Variants in LOXHD1 observed in about 807,000 individuals in gnomAD.
LOXHD1 encodes the protein lipoxygenase homology PLAT domains 1.
Under a neutral mutation model 248.2 loss-of-function variants are expected in LOXHD1, and 205 were observed. The ratio of observed to expected loss-of-function variants is 0.83; its 90% confidence interval spans 0.74 to 0.93. The LOEUF (loss-of-function observed/expected upper bound fraction) is 0.93. LOXHD1 is among the 40% of genes least tolerant of loss of function. The pLI is 0.00. For synonymous variants in LOXHD1, 1,113 were observed against 1,162.8 expected, an observed-to-expected ratio of 0.96 and a Z score of 0.87; for missense variants, 2,930 against 2,971.6, an observed-to-expected ratio of 0.99 and a Z score of 0.33.
rs754765193 is a variant in LOXHD1 at position 46,477,931 on chromosome 18, G to A, written c.6363C>T (p.Cys2121=). ...TCCTCTTCCTCTTGAGGGGGATGAG[G>A]CAGTCACAGTTAAAGAAGTACCTGG... ...YGNVYFFNCD[C]LIPLKRKRKY... The change falls in exon 41 of 41, where the codon TGC becomes TGT. Residue 2121 remains cysteine (C), a synonymous_variant. Transcript: ENST00000642948. 1 of 1,549,924 alleles carries A rather than the reference G, an allele frequency of 6.5e-7. No homozygotes were observed.
At chr18:46,572,255 A>G (rs2037767238) in intron 14 of LOXHD1, 93 bp from the exon 15 acceptor site, 1 of 1,123,246 alleles carries the variant, frequency 8.9e-7, no homozygotes, top group Admixed American at 2.0e-5. Flanking sequence ...ATGGAGGCCC[A>G]GAGCTTTGAC....
chr18:46,556,712 G>A (rs896251641), intron 21 of LOXHD1: 4 of 149,322 alleles, frequency 2.7e-5, no homozygotes, highest in African/African-American at 2.9e-5. Context: ...CAGCCAGCTC[G>A]CCCTCATCCT....
intron 12 of LOXHD1, among the ~76,000 whole-genome samples, chr18:46,581,670 A>T (rs1030267050): frequency 1.3e-5 from 2 of 152,210 alleles, no homozygotes; most frequent in African/African-American, 4.8e-5. Context: ...ATTTGATTTT[A>T]AAAGCATTAA....
intron 5 of LOXHD1, among the ~76,000 whole-genome samples, chr18:46,617,768 G>A (rs1305676983): frequency 6.6e-6 from 1 of 152,138 alleles, no homozygotes; most frequent in Non-Finnish European, 1.5e-5. Context: ...AAGTCAAATT[G>A]TATTCCCAGC....
chr18:46,536,023 GGAACT>G (rs2036294992), intron 26 of LOXHD1, among the ~76,000 whole-genome samples: 1 of 152,196 alleles, frequency 6.6e-6, no homozygotes, highest in Non-Finnish European at 1.5e-5. Flanking sequence ...AGAAGTCTCT[GGAACT>G]GAACTTCTTG....
chr18:46,593,825 G>A, intron 9 of LOXHD1, 65 bp from the exon 10 acceptor site: 1 of 1,524,156 alleles, frequency 6.6e-7, no homozygotes, highest in Non-Finnish European at 8.9e-7. Context: ...ATTACCATGG[G>A]GAAGAAGGAA....
intron 21 of LOXHD1, among the ~76,000 whole-genome samples, chr18:46,550,354 A>G (rs1352631014): frequency 6.6e-6 from 1 of 151,752 alleles, no homozygotes; most frequent in African/African-American, 2.4e-5. Context: ...CGGGTGGATC[A>G]TGAGGTCAGG....
intron 33 of LOXHD1, chr18:46,520,657 A>C (rs2035530252): frequency 4.1e-6 from 1 of 244,256 alleles, no homozygotes; most frequent in Non-Finnish European, 8.0e-6. Context: ...AGAGATTCAC[A>C]GTATCCCAGA....
At chr18:46,535,658 T>C (rs965257897) in intron 26 of LOXHD1, among the ~76,000 whole-genome samples, 1 of 152,146 alleles carries the variant, frequency 6.6e-6, no homozygotes, top group Non-Finnish European at 1.5e-5. Context: ...AACCTCCACC[T>C]CCTGGGTTCA....
chr18:46,596,532 T>A (rs1296819990), intron 8 of LOXHD1, among the ~76,000 whole-genome samples: 2 of 152,184 alleles, frequency 1.3e-5, no homozygotes, highest in Non-Finnish European at 2.9e-5. Flanking sequence ...AAACACTGAA[T>A]AAGCAGAAAT....
chr18:46,485,272 G>C, intron 38 of LOXHD1, 121 bp from the exon 39 acceptor site: 1 of 1,137,686 alleles, frequency 8.8e-7, no homozygotes, highest in South Asian at 1.7e-5. Flanking sequence ...CCTGGGGGTG[G>C]GGGAGGCAGG....
At chr18:46,561,115 G>A (rs1332214631) in intron 18 of LOXHD1, among the ~76,000 whole-genome samples, 1 of 152,118 alleles carries the variant, frequency 6.6e-6, no homozygotes, top group East Asian at 1.9e-4. Context: ...CACACCCACA[G>A]AGGCCCAAGC....
chr18:46,596,377 G>C (rs2038257322), intron 8 of LOXHD1, among the ~76,000 whole-genome samples: 1 of 152,120 alleles, frequency 6.6e-6, no homozygotes, highest in East Asian at 1.9e-4. Context: ...CAGAAACCCA[G>C]AGAGTAGGCA....
intron 31 of LOXHD1, 118 bp downstream of exon 31, chr18:46,524,348 A>T (rs1420396193): frequency 4.4e-6 from 6 of 1,369,992 alleles, no homozygotes; most frequent in African/African-American, 1.4e-5. Flanking sequence ...TATGTAAATG[A>T]CTAAGTGTTA....
intron 2 of LOXHD1, among the ~76,000 whole-genome samples, chr18:46,648,774 C>A (rs940467730): frequency 6.6e-6 from 1 of 152,182 alleles, no homozygotes; most frequent in Non-Finnish European, 1.5e-5. Flanking sequence ...ATTTTATGCT[C>A]ACAGCTCCCT....
chr18:46,585,212 T>C (rs1443496847), intron 12 of LOXHD1, among the ~76,000 whole-genome samples: 2 of 152,122 alleles, frequency 1.3e-5, no homozygotes, highest in Non-Finnish European at 2.9e-5. Context: ...CCAAGGCAAG[T>C]AGGCAAGCAA....
chr18:46,570,997 A>G (rs1325336281), intron 15 of LOXHD1, among the ~76,000 whole-genome samples: 5 of 152,170 alleles, frequency 3.3e-5, no homozygotes, highest in Admixed American at 3.3e-4. Context: ...TCCCAGCCCC[A>G]TCACTGACTA....
chr18:46,628,620 T>C (rs1354637860), intron 4 of LOXHD1, among the ~76,000 whole-genome samples: 1 of 152,116 alleles, frequency 6.6e-6, no homozygotes. Context: ...TGGCACTGAG[T>C]AGCTCTGGAG....
chr18:46,649,353 G>T, intron 1 of LOXHD1, 84 bp from the exon 2 acceptor site: 3 of 1,202,810 alleles, frequency 2.5e-6, no homozygotes, highest in Non-Finnish European at 3.5e-6. Flanking sequence ...AGCCCTTGCT[G>T]GGGAGGCCCA....
Sources: gnomAD v4.1 joint callset for allele counts (sites outside exome capture counted in the v4.1 genomes callset) on GRCh38, gnomAD v4.1.1 for gene constraint, MANE v1.5 for transcripts, NCBI Gene and HGNC (gene_info 2026-07-23, HGNC 2026-07-21) for gene names.